SMC3: variants seen among roughly 807,000 people sequenced by gnomAD.
SMC3 encodes structural maintenance of chromosomes protein 3.
Under a neutral mutation model 171.8 loss-of-function variants are expected in SMC3, and 20 were observed. That is an observed-to-expected ratio of 0.12 (90% CI 0.08 to 0.17). The LOEUF (loss-of-function observed/expected upper bound fraction) is 0.17. Among genes scored for constraint, SMC3 ranks in the 10% least tolerant of loss-of-function variants. SMC3 has a pLI of 1.00. For synonymous variants in SMC3, 464 were observed against 451.1 expected, an observed-to-expected ratio of 1.03 and a Z score of -0.36; for missense variants, 543 against 1,420.4, an observed-to-expected ratio of 0.38 and a Z score of 9.93.
chr10:110,584,805 T>G (rs990374570), intron 13 of SMC3, among the ~76,000 whole-genome samples: 10 of 152,096 alleles, frequency 6.6e-5, no homozygotes, highest in African/African-American at 2.4e-4. Flanking sequence ...TTTATTTTTT[T>G]GTAGAGACGA....
In SMC3 at chr10:110,593,317, A is replaced by G. The variant is rs1009110329; in HGVS notation, c.1963+94A>G. On this transcript the variant is annotated intron_variant, in intron 18 of 28. Transcript: ENST00000361804. ...CTGGGCGCAGTGGCTCATGCCTGTA[A>G]TCCCAGCACTTTGGGAGGCTGAGGC... 1.9e-5 allele frequency: 25 copies of G among 1,301,004 alleles called. 1 individual carries two copies. The African/African-American group carries it at 3.2e-4, about 17-fold the overall frequency. 80.6% of individuals were successfully genotyped at this position (1,301,004 alleles called of 1,614,324 possible).
At chr10:110,587,336 C>A (rs932125996) in intron 13 of SMC3, among the ~76,000 whole-genome samples, 1 of 152,050 alleles carries the variant, frequency 6.6e-6, no homozygotes, top group African/African-American at 2.4e-5. Context: ...AGAAAGGGAA[C>A]CATTAGTGTT....
rs1238424941 is a variant in SMC3, at chr10:110,567,740, A to C, written c.-77A>C. 8 of 1,553,310 alleles carry C rather than the reference A, an allele frequency of 5.2e-6. No homozygotes were observed. The highest frequency in any genetic ancestry group is 5.3e-6 in the Non-Finnish European group (6 of 1,127,734). ...CGGCGCTTTGGGGGAGGGGTCGCGTAGGCGCCTCACCTGACCCTGCGGCCG... is the reference window on the plus strand; with the variant it reads ...CGGCGCTTTGGGGGAGGGGTCGCGTCGGCGCCTCACCTGACCCTGCGGCCG... On this transcript the variant is annotated 5_prime_UTR_variant, in exon 1 of 29. Transcript: ENST00000361804.
chr10:110,580,818 T>C (rs1367495277), intron 7 of SMC3, 86 bp from the exon 8 acceptor site: 4 of 791,466 alleles, frequency 5.1e-6, no homozygotes, highest in Non-Finnish European at 6.9e-6. Context: ...CCAACCTTCA[T>C]GTGTATTAAA....
At chr10:110,583,731 C>A (rs1861065930) in intron 11 of SMC3, 110 bp from the exon 12 acceptor site, 4 of 1,288,730 alleles carry the variant, frequency 3.1e-6, no homozygotes, top group African/African-American at 3.0e-5. Flanking sequence ...AAAAGAGTTT[C>A]ATGTTACAGG....
At chr10:110,573,067 T>G (rs1367551659) in intron 2 of SMC3, among the ~76,000 whole-genome samples, 1 of 149,908 alleles carries the variant, frequency 6.7e-6, no homozygotes, top group African/African-American at 2.4e-5. Context: ...GGTAACTTTG[T>G]GGTTAATTTG....
chr10:110,575,444 A>T, intron 4 of SMC3, 41 bp downstream of exon 4: 2 of 1,400,590 alleles, frequency 1.4e-6, no homozygotes, highest in Non-Finnish European at 2.0e-6. Flanking sequence ...TATTACATAT[A>T]TTTTAAAAAT....
At chr10:110,591,562 G>A (rs563891951) in intron 17 of SMC3, among the ~76,000 whole-genome samples, 1 of 152,256 alleles carries the variant, frequency 6.6e-6, no homozygotes, top group South Asian at 2.1e-4. Context: ...GACGTACTTA[G>A]GATTAAATGA....
At chr10:110,601,247 T>C in intron 23 of SMC3, 117 bp downstream of exon 23, 4 of 803,504 alleles carry the variant, frequency 5.0e-6, no homozygotes, top group Non-Finnish European at 8.7e-6. Context: ...TTTTCCATTA[T>C]AAACAATGTA....
intron 20 of SMC3, 48 bp downstream of exon 20, chr10:110,598,338 A>G (rs1861332391): frequency 6.6e-7 from 1 of 1,526,056 alleles, no homozygotes; most frequent in Admixed American, 1.7e-5. Flanking sequence ...CAGATTAATA[A>G]TATGGAAATA....
intron 10 of SMC3, among the ~76,000 whole-genome samples, chr10:110,583,057 A>G (rs1438636956): frequency 6.7e-6 from 1 of 150,040 alleles, no homozygotes; most frequent in Non-Finnish European, 1.5e-5. Context: ...TCAGCCTCCT[A>G]TTTTTGTTAT....
chr10:110,602,721 GT>G, intron 26 of SMC3, 56 bp downstream of exon 26: 1 of 1,581,174 alleles, frequency 6.3e-7, no homozygotes. Context: ...AGAATTTATA[GT>G]ATCTTTTGCA....
At chr10:110,589,236 A>G (rs1237510439) in intron 13 of SMC3, among the ~76,000 whole-genome samples, 1 of 152,174 alleles carries the variant, frequency 6.6e-6, no homozygotes, top group Non-Finnish European at 1.5e-5. Flanking sequence ...AAAAATACAA[A>G]AAACAAAAAA....
intron 2 of SMC3, among the ~76,000 whole-genome samples, chr10:110,570,727 T>G (rs2134710035): frequency 6.6e-6 from 1 of 152,330 alleles, no homozygotes; most frequent in Admixed American, 6.5e-5. Flanking sequence ...ATACCATTGT[T>G]TTAGCTGTTA....
At chr10:110,590,683 G>C (rs1480264583) in intron 16 of SMC3, 111 bp downstream of exon 16, 1 of 908,424 alleles carries the variant, frequency 1.1e-6, no homozygotes, top group African/African-American at 1.7e-5. Flanking sequence ...TTATATCTCG[G>C]TTCCTTAACT....
Position 110,604,647 on chromosome 10 carries a change from T to C in SMC3, c.*345T>C. On this transcript the variant is annotated 3_prime_UTR_variant, in exon 29 of 29. Coordinates refer to ENST00000361804, the MANE Select transcript of SMC3 (RefSeq NM_005445.4). ...GTTTTATGACTAATATAGTGTTTTA[T>C]GTGGCTTTTCATTTGTCATAGTCTC... The C allele has an allele frequency of 3.7e-6, 1 of 268,044 alleles. No individual in the cohort carries two copies. Among genetic ancestry groups the C allele is most frequent in the Non-Finnish European group, 7.2e-6 (1 of 138,648 alleles). 16.6% of individuals were successfully genotyped at this position (268,044 alleles called of 1,614,324 possible).
intron 2 of SMC3, among the ~76,000 whole-genome samples, chr10:110,570,478 A>T (rs1409592912): frequency 6.6e-6 from 1 of 152,126 alleles, no homozygotes; most frequent in African/African-American, 2.4e-5. Flanking sequence ...ATTTAATTGA[A>T]TTGACATGCC....
intron 17 of SMC3, among the ~76,000 whole-genome samples, chr10:110,591,520 A>G (rs538340650): frequency 1.6e-3 from 251 of 152,382 alleles, no homozygotes; most frequent in Admixed American, 6.3e-3. Flanking sequence ...AAGATTCCCA[A>G]GGAACTGTCA....
At chr10:110,601,497 T>G in intron 23 of SMC3, 140 bp from the exon 24 acceptor site, 1 of 839,192 alleles carries the variant, frequency 1.2e-6, no homozygotes, top group Non-Finnish European at 1.9e-6. Flanking sequence ...TGACTTAACA[T>G]GGTTCATAAA....
Sources: gnomAD v4.1 joint callset for allele counts (sites outside exome capture counted in the v4.1 genomes callset) on GRCh38, gnomAD v4.1.1 for gene constraint, MANE v1.5 for transcripts, NCBI Gene and HGNC (gene_info 2026-07-23, HGNC 2026-07-21) for gene names.